Variants in CLPTM1L observed in about 807,000 individuals in gnomAD.
The protein encoded by CLPTM1L is CLPTM1 like.
In CLPTM1L, 38 loss-of-function variants were observed where a neutral mutation model predicts 70.9. That is an observed-to-expected ratio of 0.54 (90% CI 0.41 to 0.70). CLPTM1L has a LOEUF of 0.70. Ranked by LOEUF, CLPTM1L falls within the 30% of genes least tolerant of loss-of-function variation. The pLI, the probability that CLPTM1L is intolerant of heterozygous loss-of-function variation, is 0.00. For synonymous variants in CLPTM1L, 339 were observed against 299.9 expected (o/e 1.13, Z -1.35); for missense variants, 652 against 705.9 (o/e 0.92, Z 0.87).
chr5:1,321,577 C>T (rs200854815), intron 15 of CLPTM1L, 58 bp downstream of exon 15: 140 of 1,488,498 alleles, frequency 9.4e-5, no homozygotes, highest in Middle Eastern at 6.9e-4. Flanking sequence ...GGCTGGAAGA[C>T]GCCCTTGCTC....
chr5:1,332,058 T>A lies in CLPTM1L; in HGVS notation c.892-175A>T, dbSNP rs561539395. ...GCCTCTACGCGCCTGGCCTGCCATGTCAGAACCTAGAGTGCCCAGGCGGGC... is the reference window on the plus strand; with the variant it reads ...GCCTCTACGCGCCTGGCCTGCCATGACAGAACCTAGAGTGCCCAGGCGGGC... On this transcript the variant is annotated intron_variant, in intron 7 of 16. Coordinates refer to ENST00000320895, the MANE Select transcript of CLPTM1L (RefSeq NM_030782.5). 7 of 618,830 alleles carry A rather than the reference T, an allele frequency of 1.1e-5. No individual in the cohort carries two copies. The East Asian group carries it at 1.9e-4, about 17-fold the overall frequency. 38.3% of individuals were successfully genotyped at this position (618,830 alleles called of 1,614,324 possible). A position where few individuals can be genotyped will look rare whatever the true frequency, so the allele number is the denominator to read the frequency against.
intron 8 of CLPTM1L, chr5:1,330,735 T>G: frequency 4.2e-6 from 1 of 236,390 alleles, no homozygotes; most frequent in South Asian, 1.2e-4. Flanking sequence ...TGCGTGGCTT[T>G]TCAAGTCTGG....
chr5:1,333,347 C>G (rs1308769887), intron 7 of CLPTM1L, among the ~76,000 whole-genome samples: 1 of 116,014 alleles, frequency 8.6e-6, no homozygotes, highest in Non-Finnish European at 1.7e-5. Context: ...GTATACACAC[C>G]ACATGAGGAT....
chr5:1,319,327 C>G (rs1179242608), intron 16 of CLPTM1L, among the ~76,000 whole-genome samples: 1 of 106,322 alleles, frequency 9.4e-6, no homozygotes, highest in Non-Finnish European at 1.7e-5. Context: ...CTGGAGCTCC[C>G]GTGCAGGGGC....
intron 5 of CLPTM1L, among the ~76,000 whole-genome samples, chr5:1,337,029 G>C (rs1250473537): frequency 2.0e-5 from 3 of 152,224 alleles, no homozygotes; most frequent in Non-Finnish European, 4.4e-5. Flanking sequence ...TCAGAGGTCA[G>C]AGGTGCCGAG....
chr5:1,326,969 C>CCATCCAGCTCCTCCTCTACGGACACATTT (rs1752626680), intron 9 of CLPTM1L, among the ~76,000 whole-genome samples: 1 of 142,754 alleles, frequency 7.0e-6, no homozygotes, highest in East Asian at 2.2e-4. Flanking sequence ...CGGACACATT[C>CCATCCAGCTCCTCCTCTACGGACACATTT]CATCCAGCTC....
chr5:1,325,066 G>T, intron 10 of CLPTM1L: 1 of 575,462 alleles, frequency 1.7e-6, no homozygotes, highest in South Asian at 2.2e-5. Flanking sequence ...TCCTTGCTCA[G>T]GTGGCTCAGT....
chr5:1,330,804 C>T (rs1753040096), intron 8 of CLPTM1L: 1 of 164,878 alleles, frequency 6.1e-6, no homozygotes, highest in African/African-American at 2.4e-5. Context: ...ACACGTCTTC[C>T]TCCTCCTGCA....
intron 2 of CLPTM1L, 38 bp downstream of exon 2, chr5:1,344,313 G>GTT (rs1560875210): frequency 1.5e-6 from 2 of 1,345,794 alleles, no homozygotes; most frequent in Non-Finnish European, 2.1e-6. Flanking sequence ...CATGAGTAAT[G>GTT]TTTTCCCTTT....
rs1753993588 is a variant in CLPTM1L, at chr5:1,342,169, A to T, written c.264-309T>A. Among the ~76,000 whole-genome samples the T allele has an allele frequency of 6.6e-6, 1 of 152,118 alleles. No individual in the cohort carries two copies. Among genetic ancestry groups the T allele is most frequent in the Non-Finnish European group, 1.5e-5 (1 of 68,002 alleles). Reference sequence around the variant, plus strand: ...GGTCAATAACCCACCTGAGGCCACAAGGCTGAAGCAGCCAGATGGAAAGCA... The same window carrying T: ...GGTCAATAACCCACCTGAGGCCACATGGCTGAAGCAGCCAGATGGAAAGCA... On this transcript the variant is annotated intron_variant, in intron 2 of 16. Transcript: ENST00000320895. The surrounding 1 kb of genome is among the most constrained non-coding windows in gnomAD (Gnocchi z 4.3).
At chr5:1,329,499 GCCTCAGGACTCTCTGCTTGGTGGACAGA>G (rs1303791077) in intron 9 of CLPTM1L, among the ~76,000 whole-genome samples, 5 of 145,076 alleles carry the variant, frequency 3.4e-5, no homozygotes, top group African/African-American at 1.4e-4. Flanking sequence ...GGTGGACAGA[GCCTCAGGACTCTCTGCTTGGTGGACAGA>G]GCCTCAGGAC....
intron 15 of CLPTM1L, 85 bp downstream of exon 15, chr5:1,321,550 G>A: frequency 8.5e-7 from 1 of 1,177,608 alleles, no homozygotes. Context: ...GGCAGAGATG[G>A]CCCCAGTAAT....
chr5:1,327,079 G>C (rs1222785145), intron 9 of CLPTM1L, among the ~76,000 whole-genome samples: 33 of 104,434 alleles, frequency 3.2e-4, no homozygotes, highest in East Asian at 1.2e-3. Flanking sequence ...CCTCGACAGG[G>C]ACATTCCACC....
intron 3 of CLPTM1L, among the ~76,000 whole-genome samples, chr5:1,340,545 T>C (rs910885970): frequency 6.6e-6 from 1 of 152,154 alleles, no homozygotes; most frequent in East Asian, 1.9e-4. Context: ...CGCTACATGC[T>C]ACATGCCCAT....
intron 7 of CLPTM1L, among the ~76,000 whole-genome samples, chr5:1,333,827 A>G (rs1291821823): frequency 6.6e-6 from 1 of 152,040 alleles, no homozygotes; most frequent in Non-Finnish European, 1.5e-5. Context: ...CTGTATACAC[A>G]CAGGACTGAC....
intron 3 of CLPTM1L, among the ~76,000 whole-genome samples, chr5:1,340,693 CTTTCAAA>C (rs1205874172): frequency 6.6e-6 from 1 of 152,158 alleles, no homozygotes; most frequent in African/African-American, 2.4e-5. Context: ...GTTGGTAGGG[CTTTCAAA>C]ACCCCATCAA....
chr5:1,328,655 T>A (rs13167666), intron 9 of CLPTM1L, among the ~76,000 whole-genome samples: 119 of 111,650 alleles, frequency 1.1e-3, no homozygotes, highest in Admixed American at 2.9e-3. Context: ...GACAGTTTTC[T>A]TCCAGCTCCT....
chr5:1,319,364 G>GA (rs1554044909), intron 16 of CLPTM1L, among the ~76,000 whole-genome samples: 5 of 136,176 alleles, frequency 3.7e-5, no homozygotes, highest in Admixed American at 3.6e-4. Flanking sequence ...AGGGTGGGGG[G>GA]GGGCAGCCGG....
chr5:1,320,866 AAG>A (rs1007635877), intron 15 of CLPTM1L, 135 bp from the exon 16 acceptor site: 1 of 556,250 alleles, frequency 1.8e-6, no homozygotes, highest in Non-Finnish European at 3.3e-6. Flanking sequence ...CAACAACAAA[AAG>A]AGCAGAAAGC....
Sources: allele counts gnomAD v4.1 joint callset (sites outside exome capture counted in the v4.1 genomes callset), GRCh38; gene constraint gnomAD v4.1.1; non-coding constraint Gnocchi (gnomAD v3.1); transcripts MANE v1.5; gene names NCBI Gene and HGNC (gene_info 2026-07-23, HGNC 2026-07-21).